Variants in PDE1A observed in about 807,000 individuals in gnomAD.
PDE1A encodes the protein dual specificity calcium/calmodulin-dependent 3',5'-cyclic nucleotide phosphodiesterase 1A.
A neutral mutation model predicts 61.7 loss-of-function variants in PDE1A; 35 were observed. The ratio of observed to expected loss-of-function variants is 0.57; its 90% CI spans 0.43 to 0.75. The LOEUF is 0.75. Among genes scored for constraint, PDE1A ranks in the 30% least tolerant of loss-of-function variants. PDE1A has a pLI of 0.00. For synonymous variants in PDE1A, 232 were observed against 213.2 expected, an observed-to-expected ratio of 1.09 and a Z score of -0.77; for missense variants, 597 against 630.6, an observed-to-expected ratio of 0.95 and a Z score of 0.57.
chr2:182,554,661 T>C, the PDE1A span, among the ~76,000 whole-genome samples: 1 of 152,174 alleles, frequency 6.6e-6, no homozygotes, highest in African/African-American at 2.4e-5. Context: ...ATTTAACTCA[T>C]AGAGTTATAC....
At chr2:182,708,328 C>A in the PDE1A span, among the ~76,000 whole-genome samples, 1 of 151,968 alleles carries the variant, frequency 6.6e-6, no homozygotes, top group African/African-American at 2.4e-5. Flanking sequence ...ACAGCCAAAC[C>A]ATAACAATAA....
intron 2 of PDE1A, among the ~76,000 whole-genome samples, chr2:182,249,547 C>T (rs555280835): frequency 6.6e-6 from 1 of 152,206 alleles, no homozygotes; most frequent in South Asian, 2.1e-4. Context: ...TGGTACTGAA[C>T]TCATATGTTG....
chr2:182,385,687 G>T, intron 1 of PDE1A, among the ~76,000 whole-genome samples: 1 of 148,694 alleles, frequency 6.7e-6, no homozygotes, highest in Non-Finnish European at 1.5e-5. Context: ...AAGAAAGAAA[G>T]AAAGAAAAAA....
intron 1 of PDE1A, among the ~76,000 whole-genome samples, chr2:182,334,811 A>C (rs1367824995): frequency 6.6e-6 from 1 of 152,210 alleles, no homozygotes; most frequent in Non-Finnish European, 1.5e-5. Flanking sequence ...AAGCGTATTC[A>C]AATAGGAAGA....
chr2:182,213,867 T>C (rs1687902554), intron 7 of PDE1A, among the ~76,000 whole-genome samples: 1 of 110,536 alleles, frequency 9.0e-6, no homozygotes, highest in Non-Finnish European at 1.9e-5. Context: ...CAGGAGAACT[T>C]CCCCAATCTA....
intron 2 of PDE1A, among the ~76,000 whole-genome samples, chr2:182,246,394 C>CTTTTTTTTTTTTTTTTTTTTTTTTTTTT (rs772600912): frequency 1.9e-5 from 2 of 105,366 alleles, no homozygotes; most frequent in African/African-American, 7.1e-5. Flanking sequence ...AGTCTTTTTT[C>CTTTTTTTTTTTTTTTTTTTTTTTTTTTT]TTTTTTCTTT....
chr2:182,210,738 A>G (rs1002929430), intron 7 of PDE1A, among the ~76,000 whole-genome samples: 1 of 151,928 alleles, frequency 6.6e-6, no homozygotes, highest in South Asian at 2.1e-4. Context: ...ATCTAAGGTC[A>G]TCTAGATTTT....
intron 5 of PDE1A, 82 bp from the exon 6 acceptor site, chr2:182,230,228 T>C (rs1198711755): frequency 9.4e-7 from 1 of 1,058,992 alleles, no homozygotes; most frequent in Non-Finnish European, 1.4e-6. Flanking sequence ...TCATGGAACA[T>C]ATTAGTGAGT....
At chr2:182,147,201 G>GA (rs1218531212) in intron 13 of PDE1A, 49 bp from the exon 14 acceptor site, 4 of 1,098,886 alleles carry the variant, frequency 3.6e-6, no homozygotes, top group African/African-American at 1.6e-5. Context: ...TAAGGCTTTG[G>GA]AAAAAACTAA....
intron 1 of PDE1A, among the ~76,000 whole-genome samples, chr2:182,310,515 G>A (rs1009670050): frequency 1.3e-5 from 2 of 152,152 alleles, no homozygotes; most frequent in African/African-American, 4.8e-5. Context: ...AACCTTGAGA[G>A]ATAGTTTGAC....
At chr2:182,561,893 TG>T in the PDE1A span, among the ~76,000 whole-genome samples, 1 of 152,152 alleles carries the variant, frequency 6.6e-6, no homozygotes, top group Non-Finnish European at 1.5e-5. Context: ...TTGTGATTTT[TG>T]TACATTGATT....
chr2:182,627,242 A>ATAAT, the PDE1A span, among the ~76,000 whole-genome samples: 23 of 52,908 alleles, frequency 4.3e-4, 5 homozygotes, highest in Admixed American at 8.1e-4. Context: ...TTATATATAA[A>ATAAT]ATATAAATAA....
intron 1 of PDE1A, among the ~76,000 whole-genome samples, chr2:182,380,363 C>T (rs1469721395): frequency 6.6e-6 from 1 of 152,048 alleles, no homozygotes; most frequent in African/African-American, 2.4e-5. Context: ...CCACCCGTCT[C>T]GGCCTCCCAA....
At chr2:182,514,108 A>T (rs1689988719) in intron 2 of PDE1A, among the ~76,000 whole-genome samples, 1 of 152,194 alleles carries the variant, frequency 6.6e-6, no homozygotes, top group Admixed American at 6.5e-5. Flanking sequence ...AATACCTAGA[A>T]ATACTACTAA....
chr2:182,705,512 T>TG, the PDE1A span, among the ~76,000 whole-genome samples: 444 of 151,890 alleles, frequency 2.9e-3, 2 homozygotes, highest in African/African-American at 9.8e-3. Flanking sequence ...GTCTTTTTTT[T>TG]TTTTGTTTTG....
chr2:182,212,296 A>G (rs1445537009), intron 7 of PDE1A, among the ~76,000 whole-genome samples: 1 of 151,698 alleles, frequency 6.6e-6, no homozygotes, highest in East Asian at 1.9e-4. Context: ...CACATAGTGG[A>G]ATGGCTAACT....
At chr2:182,201,647 T>C (rs770636876) in intron 9 of PDE1A, 41 bp downstream of exon 9, 3 of 569,444 alleles carry the variant, frequency 5.3e-6, no homozygotes, top group South Asian at 7.4e-5. Context: ...AACTTTAACA[T>C]GACAAAAAAA....
chr2:182,245,683 A>G (rs1690890008), intron 2 of PDE1A, among the ~76,000 whole-genome samples: 1 of 149,502 alleles, frequency 6.7e-6, no homozygotes, highest in Admixed American at 6.8e-5. Flanking sequence ...TCATGGCTTG[A>G]TAGCTAATTT....
At chr2:182,549,966 C>T in the PDE1A span, among the ~76,000 whole-genome samples, 270 of 152,208 alleles carry the variant, frequency 1.8e-3, 4 homozygotes, top group East Asian at 0.011. Flanking sequence ...CTTTTCCCTA[C>T]GACATTTTTA....
Sources: allele counts gnomAD v4.1 joint callset (sites outside exome capture counted in the v4.1 genomes callset), GRCh38; gene constraint gnomAD v4.1.1; transcripts MANE v1.5; gene names NCBI Gene and HGNC (gene_info 2026-07-23, HGNC 2026-07-21).